ARHGEF26: variants seen among roughly 807,000 people sequenced by gnomAD.
The protein encoded by ARHGEF26 is Rho guanine nucleotide exchange factor (GEF) 26.
In ARHGEF26, 59 loss-of-function variants were observed where a neutral mutation model predicts 89.4. The observed-to-expected ratio is 0.66, with a 90% CI of 0.54 to 0.82. ARHGEF26 has a LOEUF of 0.82. ARHGEF26 is among the 40% of genes least tolerant of loss of function. The probability of loss-of-function intolerance (pLI) is 0.00; values close to 1 mark genes in which losing one functional copy is unlikely to be tolerated. For synonymous variants in ARHGEF26, 500 were observed against 428.4 expected (o/e 1.17, Z -2.06); for missense variants, 1,234 against 1,085.6 (o/e 1.14, Z -1.92).
chr3:154,255,685 C>T lies in ARHGEF26; in HGVS notation c.*212C>T. 7.3e-7 allele frequency: 1 copy of T among 1,376,878 alleles called. No homozygotes were observed. Among genetic ancestry groups the T allele is most frequent in the Non-Finnish European group, 9.3e-7 (1 of 1,071,704 alleles). The allele number at this position is 1,376,878 out of a possible 1,614,324, so 85.3% of individuals were successfully genotyped here. A position where few individuals can be genotyped will look rare whatever the true frequency, so the allele number is the denominator to read the frequency against. On this transcript the variant is annotated 3_prime_UTR_variant, in exon 15 of 15. Transcript: ENST00000465093. ...AGCTCAGTTTTTACCTAACCACACA[C>T]TTGCAGACCTCCTGAGGTACACAGA...
chr3:154,141,780 A>G (rs1407052860), intron 4 of ARHGEF26, among the ~76,000 whole-genome samples: 1 of 152,190 alleles, frequency 6.6e-6, no homozygotes, highest in Non-Finnish European at 1.5e-5. Context: ...CTTGCAGTGT[A>G]CTATAGTATT....
In ARHGEF26 at chr3:154,256,075, G is replaced by T. The variant is rs1384757943; in HGVS notation, c.*602G>T. On this transcript the variant is annotated 3_prime_UTR_variant, in exon 15 of 15. Coordinates refer to ENST00000465093, the MANE Select transcript of ARHGEF26 (RefSeq NM_015595.4). ...ATTTTTGTCACCTTTTTCCTCATTA[G>T]AAGGAAAGTAGAAAGCCTTACTTTA... 2.0e-6 allele frequency: 2 copies of T among 985,296 alleles called. No individual in the cohort carries two copies. Among genetic ancestry groups the T allele is most frequent in the Non-Finnish European group, 2.4e-6 (2 of 829,582 alleles). 61.0% of individuals were successfully genotyped at this position (985,296 alleles called of 1,614,324 possible).
intron 4 of ARHGEF26, among the ~76,000 whole-genome samples, chr3:154,143,360 T>C (rs1719502518): frequency 6.6e-6 from 1 of 152,204 alleles, no homozygotes; most frequent in Non-Finnish European, 1.5e-5. Context: ...TTTCATGTTA[T>C]TAAGCCTGCT....
chr3:154,199,650 A>G (rs13317743), intron 9 of ARHGEF26, among the ~76,000 whole-genome samples: 28,451 of 152,144 alleles, frequency 0.19, 2,948 homozygotes, highest in South Asian at 0.34. Flanking sequence ...ACTGTTCTCC[A>G]TAGTGGTTGT....
At chr3:154,206,195 T>G (rs1404826305) in intron 9 of ARHGEF26, among the ~76,000 whole-genome samples, 2 of 152,170 alleles carry the variant, frequency 1.3e-5, no homozygotes, top group African/African-American at 2.4e-5. Context: ...CTTCAGCACT[T>G]GAAATATGTC....
At chr3:154,194,823 C>T in intron 9 of ARHGEF26, 105 bp downstream of exon 9, 1 of 914,638 alleles carries the variant, frequency 1.1e-6, no homozygotes, top group South Asian at 1.5e-5. Flanking sequence ...AGTCTCACAG[C>T]CATTTGTACA....
intron 6 of ARHGEF26, among the ~76,000 whole-genome samples, chr3:154,159,362 A>AG (rs1391962380): frequency 6.6e-6 from 1 of 152,142 alleles, no homozygotes; most frequent in African/African-American, 2.4e-5. Context: ...GCTTGTCTTC[A>AG]ATTTCTGCAG....
At chr3:154,246,620 TAGC>T (rs997691911) in intron 12 of ARHGEF26, among the ~76,000 whole-genome samples, 7 of 152,184 alleles carry the variant, frequency 4.6e-5, no homozygotes, top group African/African-American at 1.7e-4. Flanking sequence ...ACATAAGCCA[TAGC>T]AGGAAGTTCC....
intron 4 of ARHGEF26, among the ~76,000 whole-genome samples, chr3:154,144,134 G>A (rs543827366): frequency 2.6e-5 from 4 of 152,282 alleles, no homozygotes; most frequent in Admixed American, 1.3e-4. Context: ...GGGGCATTCA[G>A]GGGGAGCAAC....
Position 154,191,410 on chromosome 3 carries a change from C to T in ARHGEF26, c.1762C>T (p.Leu588=). ...PMQRVTRLPL[L]MDTICQKTPK... ...GCAGAGGGTGACCCGCCTTCCCCTG[C>T]TGATGGATGTAAGACATGACGGTGG... Residue 588 remains leucine, a synonymous_variant, in exon 8 of 15, where the codon CTG becomes TTG. Coordinates refer to ENST00000465093, the MANE Select transcript of ARHGEF26 (RefSeq NM_015595.4). The T allele has an allele frequency of 6.2e-7, 1 of 1,613,674 alleles. No homozygotes were observed. Among genetic ancestry groups the T allele is most frequent in the Non-Finnish European group, 8.5e-7 (1 of 1,179,736 alleles).
chr3:154,215,811 A>C (rs1715682854), intron 9 of ARHGEF26, among the ~76,000 whole-genome samples: 1 of 152,132 alleles, frequency 6.6e-6, no homozygotes, highest in Non-Finnish European at 1.5e-5. Flanking sequence ...ATGACCTAAT[A>C]ACCTCCCAAT....
At chr3:154,159,243 C>T (rs1057123606) in intron 6 of ARHGEF26, among the ~76,000 whole-genome samples, 7 of 151,976 alleles carry the variant, frequency 4.6e-5, no homozygotes, top group African/African-American at 1.7e-4. Context: ...TATTAGTACC[C>T]TATAAAAATA....
At chr3:154,134,874 A>G (rs1718909461) in intron 4 of ARHGEF26, among the ~76,000 whole-genome samples, 1 of 152,074 alleles carries the variant, frequency 6.6e-6, no homozygotes, top group Non-Finnish European at 1.5e-5. Flanking sequence ...TATATGATGA[A>G]TAATATTTAT....
intron 6 of ARHGEF26, 87 bp downstream of exon 6, chr3:154,153,019 G>A: frequency 8.3e-7 from 1 of 1,209,620 alleles, no homozygotes; most frequent in Non-Finnish European, 1.1e-6. Flanking sequence ...GGCATTTCTG[G>A]TTATCAAGTC....
intron 6 of ARHGEF26, among the ~76,000 whole-genome samples, chr3:154,182,315 A>C (rs974885507): frequency 1.3e-5 from 2 of 152,190 alleles, no homozygotes; most frequent in Non-Finnish European, 2.9e-5. Flanking sequence ...AATCTGATGC[A>C]TGAAGGATGA....
In ARHGEF26 at chr3:154,122,775, A is replaced by G; in HGVS notation, c.783A>G (p.Ile261Met). 6.2e-7 allele frequency: 1 copy of G among 1,611,006 alleles called. No individual in the cohort carries two copies. The highest frequency in any genetic ancestry group is 8.5e-7 in the Non-Finnish European group (1 of 1,178,486). Residue 261 changes from isoleucine (I) to methionine (M), a missense_variant, in exon 2 of 15, where the codon ATA becomes ATG. Ile to Met is a conservative substitution (Grantham distance 10, BLOSUM62 1). Transcript: ENST00000465093. ...AGAGTCTGGCCTCGGAAATTAAAAT[A>G]AGTAAATCCAACAATCAAAATGTGG... ...IPKSLASEIK[I>M]SKSNNQNVEP...
intron 6 of ARHGEF26, among the ~76,000 whole-genome samples, chr3:154,169,117 A>G (rs2108134711): frequency 6.6e-6 from 1 of 152,258 alleles, no homozygotes; most frequent in East Asian, 1.9e-4. Flanking sequence ...AGATGGAGGT[A>G]AAGTACCTTA....
chr3:154,238,864 A>G (rs1248331148), intron 11 of ARHGEF26, among the ~76,000 whole-genome samples: 1 of 152,178 alleles, frequency 6.6e-6, no homozygotes. Context: ...CTGGGTACCA[A>G]GAAATGCAAG....
intron 8 of ARHGEF26, 125 bp downstream of exon 8, chr3:154,191,543 T>A: frequency 8.6e-7 from 1 of 1,169,040 alleles, no homozygotes; most frequent in Non-Finnish European, 1.2e-6. Context: ...CCCAATTAAG[T>A]GAGAAGGTGT....
Sources: allele counts gnomAD v4.1 joint callset (sites outside exome capture counted in the v4.1 genomes callset), GRCh38; gene constraint gnomAD v4.1.1; transcripts MANE v1.5; gene names NCBI Gene and HGNC (gene_info 2026-07-23, HGNC 2026-07-21).